SCNN1B: variants seen among roughly 807,000 people sequenced by gnomAD.
SCNN1B encodes the protein sodium channel epithelial 1 subunit beta.
In SCNN1B, 46 loss-of-function variants were observed where a neutral mutation model predicts 65.3. The ratio of observed to expected loss-of-function variants is 0.70; its 90% confidence interval spans 0.56 to 0.90. The LOEUF is 0.90. SCNN1B is among the 40% of genes least tolerant of loss of function. The pLI is 0.00. For missense variants in SCNN1B, 751 were observed against 830.5 expected (o/e 0.90, Z 1.18); for synonymous variants, 349 against 330.6 (o/e 1.06, Z -0.60).
chr16:23,337,042 C>A (rs1961957023), intron 1 of SCNN1B, among the ~76,000 whole-genome samples: 1 of 152,010 alleles, frequency 6.6e-6, no homozygotes, highest in Non-Finnish European at 1.5e-5. Context: ...TGAAATATTT[C>A]TTTTTACTAT....
At chr16:23,351,535 C>T (rs894156730) in intron 2 of SCNN1B, among the ~76,000 whole-genome samples, 8 of 152,196 alleles carry the variant, frequency 5.3e-5, no homozygotes, top group Admixed American at 6.5e-5. Context: ...GAACTGGCAT[C>T]GAAGGCCAAC....
At chr16:23,379,452 G>A (rs1362401578) in intron 11 of SCNN1B, among the ~76,000 whole-genome samples, 1 of 152,108 alleles carries the variant, frequency 6.6e-6, no homozygotes, top group African/African-American at 2.4e-5. Flanking sequence ...GCGTAGGGAG[G>A]TGGCTTTGAG....
At chr16:23,310,049 C>T (rs1024830243) in intron 1 of SCNN1B, among the ~76,000 whole-genome samples, 27 of 152,004 alleles carry the variant, frequency 1.8e-4, no homozygotes, top group Admixed American at 3.9e-4. Context: ...TCAAGAAGCA[C>T]GCCCCTCCAC....
chr16:23,287,646 G>A (rs959164287), intron 2 of SCNN1B, among the ~76,000 whole-genome samples: 1 of 152,052 alleles, frequency 6.6e-6, no homozygotes, highest in Non-Finnish European at 1.5e-5. Context: ...TGGAGGATGA[G>A]GAAGGAGGAT....
chr16:23,325,800 C>G (rs1306221750), intron 1 of SCNN1B, among the ~76,000 whole-genome samples: 3 of 151,902 alleles, frequency 2.0e-5, no homozygotes, highest in Non-Finnish European at 4.4e-5. Flanking sequence ...CATCTGTAAT[C>G]TCAACACTTT....
intron 1 of SCNN1B, among the ~76,000 whole-genome samples, chr16:23,342,808 C>G (rs1488895714): frequency 1.3e-5 from 2 of 152,080 alleles, no homozygotes; most frequent in African/African-American, 4.8e-5. Context: ...ACAGGCAAAT[C>G]TAGAGAGACA....
intron 4 of SCNN1B, chr16:23,358,257 G>C (rs1468602766): frequency 6.6e-6 from 1 of 152,028 alleles, no homozygotes; most frequent in Admixed American, 6.5e-5. Flanking sequence ...ACTGTTAGCA[G>C]AAACAGGGAA....
intron 2 of SCNN1B, among the ~76,000 whole-genome samples, chr16:23,288,875 A>G (rs1960886459): frequency 6.6e-6 from 1 of 151,990 alleles, no homozygotes; most frequent in Non-Finnish European, 1.5e-5. Context: ...GTTCCTCAAG[A>G]GTTGTTGGAC....
At position 23,380,599 on chromosome 16, in the gene SCNN1B, C is replaced by T. The variant is rs1426453715; in HGVS notation, c.1721C>T (p.Pro574Leu). Residue 574 changes from proline to leucine, a missense_variant, in exon 13 of 13, where the codon CCA (proline) becomes CTA (leucine). Transcript: ENST00000343070. The surrounding 1 kb of genome is among the most constrained non-coding windows in gnomAD (Gnocchi z 5.4). ...QRRAQASYAGPPPTVAELVEA... is the reference protein window; with the variant it reads ...QRRAQASYAGLPPTVAELVEA... Reference sequence around the variant, plus strand: ...CGAGCCCAAGCCAGCTACGCTGGCCCACCGCCCACCGTGGCCGAGCTGGTG... The same window carrying T: ...CGAGCCCAAGCCAGCTACGCTGGCCTACCGCCCACCGTGGCCGAGCTGGTG... 3.1e-6 allele frequency: 5 copies of T among 1,614,060 alleles called. No individual in the cohort carries two copies. The highest frequency in any genetic ancestry group is 2.2e-5 in the East Asian group (1 of 44,878).
In SCNN1B at chr16:23,380,092, A is replaced by G. The variant is rs1963008465; in HGVS notation, c.1467-2A>G. The G allele has an allele frequency of 1.2e-6, 2 of 1,613,250 alleles. No homozygotes were observed. The highest frequency in any genetic ancestry group is 1.7e-6 in the Non-Finnish European group (2 of 1,179,320). On this transcript the variant is annotated splice_acceptor_variant, in intron 11 of 12. Transcript: ENST00000343070. LOFTEE classifies it high-confidence loss of function. The surrounding 1 kb of genome is among the most constrained non-coding windows in gnomAD (Gnocchi z 5.4). ...CCCGGCCCTTCTCGCTGCCTCCTGC[A>G]GGAAGGGAATTGTCAAGCTCAACAT...
At chr16:23,325,878 C>T (rs1055177649) in intron 1 of SCNN1B, among the ~76,000 whole-genome samples, 1 of 146,906 alleles carries the variant, frequency 6.8e-6, no homozygotes, top group Non-Finnish European at 1.5e-5. Context: ...CATAGTGAGA[C>T]CCTGTCTCTA....
chr16:23,290,574 C>T (rs868026858), intron 2 of SCNN1B, among the ~76,000 whole-genome samples: 2 of 152,154 alleles, frequency 1.3e-5, no homozygotes, highest in African/African-American at 4.8e-5. Flanking sequence ...TTCCAAGTGC[C>T]GGGATTACAG....
intron 4 of SCNN1B, among the ~76,000 whole-genome samples, chr16:23,365,469 AAAG>A (rs1962631189): frequency 7.0e-6 from 1 of 143,172 alleles, no homozygotes; most frequent in Admixed American, 7.1e-5. Flanking sequence ...AAGAGAAAGA[AAAG>A]AGAGAAAGAA....
chr16:23,347,727 G>A (rs1962218749), intron 1 of SCNN1B, among the ~76,000 whole-genome samples: 1 of 152,106 alleles, frequency 6.6e-6, no homozygotes, highest in Non-Finnish European at 1.5e-5. Context: ...GGGCAACACG[G>A]TGAAACCCCG....
At chr16:23,285,653 CAAT>C (rs1960839883) in intron 2 of SCNN1B, among the ~76,000 whole-genome samples, 1 of 126,514 alleles carries the variant, frequency 7.9e-6, no homozygotes, top group Non-Finnish European at 1.6e-5. Context: ...AGTAAAAAAA[CAAT>C]AATAATAAAA....
chr16:23,297,090 A>T (rs1362442971), intron 2 of SCNN1B, among the ~76,000 whole-genome samples: 1 of 151,908 alleles, frequency 6.6e-6, no homozygotes, highest in Non-Finnish European at 1.5e-5. Flanking sequence ...CCAGAGACCC[A>T]GCGCCTGGGG....
At chr16:23,364,852 A>G (rs866954335) in intron 4 of SCNN1B, among the ~76,000 whole-genome samples, 3 of 151,614 alleles carry the variant, frequency 2.0e-5, no homozygotes, top group East Asian at 3.9e-4. Context: ...TAGGCCAGGC[A>G]TGGTGGCTCA....
upstream of SCNN1B, among the ~76,000 whole-genome samples, chr16:23,302,086 C>T (rs1253365299): frequency 6.6e-6 from 1 of 152,050 alleles, no homozygotes; most frequent in Non-Finnish European, 1.5e-5. Flanking sequence ...GTGGGTATCG[C>T]TGGTGTCCCG....
At chr16:23,378,822 G>A (rs534147328) in intron 11 of SCNN1B, 55 bp downstream of exon 11, 11 of 1,541,114 alleles carry the variant, frequency 7.1e-6, no homozygotes, top group African/African-American at 4.1e-5. Flanking sequence ...CCAGAAACTC[G>A]GGGCAGGAGT....
Sources: gnomAD v4.1 joint callset for allele counts (sites outside exome capture counted in the v4.1 genomes callset) on GRCh38, gnomAD v4.1.1 for gene constraint, Gnocchi (gnomAD v3.1) non-coding constraint, MANE v1.5 for transcripts, NCBI Gene and HGNC (gene_info 2026-07-23, HGNC 2026-07-21) for gene names.